The following PDE7B variants were observed in gnomAD, a reference collection of about 807,000 sequenced individuals.
PDE7B encodes the protein 3',5'-cyclic-AMP phosphodiesterase 7B.
A neutral mutation model predicts 56.2 loss-of-function variants in PDE7B; 29 were observed. That is an observed-to-expected ratio of 0.52 (90% CI 0.38 to 0.70). The LOEUF (loss-of-function observed/expected upper bound fraction) is 0.70. Ranked by LOEUF, PDE7B falls within the 30% of genes least tolerant of loss-of-function variation. The probability of loss-of-function intolerance (pLI) is 0.00; values close to 1 mark genes in which losing one functional copy is unlikely to be tolerated. For missense variants in PDE7B, 490 were observed against 565.0 expected (o/e 0.87, Z 1.35); for synonymous variants, 197 against 196.9 (o/e 1.00, Z 0.00).
intron 1 of PDE7B, among the ~76,000 whole-genome samples, chr6:135,932,307 A>C (rs1445379158): frequency 6.6e-6 from 1 of 152,166 alleles, no homozygotes; most frequent in Admixed American, 6.5e-5. Flanking sequence ...TAAAGAGTGT[A>C]ATTGGATTGT....
At chr6:135,985,993 A>T (rs1208431115) in intron 2 of PDE7B, among the ~76,000 whole-genome samples, 1 of 152,174 alleles carries the variant, frequency 6.6e-6, no homozygotes, top group Non-Finnish European at 1.5e-5. Context: ...CATGGGAGCC[A>T]ATTATAATGC....
At chr6:135,909,423 T>G (rs1234788146) in intron 1 of PDE7B, among the ~76,000 whole-genome samples, 1 of 152,122 alleles carries the variant, frequency 6.6e-6, no homozygotes, top group African/African-American at 2.4e-5. Context: ...GAGACCAGCC[T>G]GGCCAATGTG....
At position 136,192,939 on chromosome 6, in the gene PDE7B, G is replaced by A. The variant is rs1779253254; in HGVS notation, c.*1099G>A. ...AACCAAAACTGAATAAAGTCTTTGA[G>A]GAAACATTTTGGAAACTTCACATGC... On this transcript the variant is annotated 3_prime_UTR_variant, in exon 13 of 13. Transcript: ENST00000308191. 1 of 152,190 alleles carries A rather than the reference G, an allele frequency of 6.6e-6. No individual in the cohort carries two copies. The highest frequency in any genetic ancestry group is 6.5e-5 in the Admixed American group (1 of 15,276). The allele number at this position is 152,190 out of a possible 1,614,324, so 9.4% of individuals were successfully genotyped here. A position where few individuals can be genotyped will look rare whatever the true frequency, so the allele number is the denominator to read the frequency against.
At chr6:135,948,402 T>C (rs1774627264) in intron 2 of PDE7B, among the ~76,000 whole-genome samples, 1 of 151,964 alleles carries the variant, frequency 6.6e-6, no homozygotes, top group Admixed American at 6.6e-5. Context: ...AAGAAAAAAA[T>C]TATTCATTTT....
intron 2 of PDE7B, among the ~76,000 whole-genome samples, chr6:136,076,138 T>C (rs992674595): frequency 1.1e-4 from 16 of 152,148 alleles, no homozygotes; most frequent in African/African-American, 3.9e-4. Context: ...TACTTCTTGG[T>C]ACCACTAAGT....
intron 1 of PDE7B, among the ~76,000 whole-genome samples, chr6:135,926,039 A>T (rs1298831324): frequency 2.2e-5 from 3 of 135,166 alleles, no homozygotes; most frequent in African/African-American, 8.4e-5. Flanking sequence ...CTTCTTTAGG[A>T]AATGAAGCCT....
At chr6:136,062,601 A>G (rs556633783) in intron 2 of PDE7B, among the ~76,000 whole-genome samples, 1 of 152,308 alleles carries the variant, frequency 6.6e-6, no homozygotes, top group South Asian at 2.1e-4. Context: ...AAGCATCAAA[A>G]TGTCAGGACA....
chr6:136,021,440 T>C (rs1208565573), intron 2 of PDE7B, among the ~76,000 whole-genome samples: 1 of 151,714 alleles, frequency 6.6e-6, no homozygotes, highest in Non-Finnish European at 1.5e-5. Context: ...AGGTCGGGAG[T>C]TCGAGACCAG....
intron 2 of PDE7B, among the ~76,000 whole-genome samples, chr6:136,065,522 A>G (rs2128213172): frequency 6.6e-6 from 1 of 152,298 alleles, no homozygotes; most frequent in South Asian, 2.1e-4. Flanking sequence ...GGGTGCCAGG[A>G]ATATTGCTGC....
intron 2 of PDE7B, among the ~76,000 whole-genome samples, chr6:136,067,186 A>G (rs1184532692): frequency 7.2e-5 from 11 of 152,190 alleles, no homozygotes; most frequent in Non-Finnish European, 1.5e-4. Flanking sequence ...GAATTCCTCC[A>G]CACATTGGGA....
At chr6:135,923,347 C>A (rs1202775379) in intron 1 of PDE7B, among the ~76,000 whole-genome samples, 1 of 152,058 alleles carries the variant, frequency 6.6e-6, no homozygotes, top group Non-Finnish European at 1.5e-5. Flanking sequence ...GTAAAAATAT[C>A]TGATAACTAA....
At chr6:136,039,152 G>T (rs911655443) in intron 2 of PDE7B, among the ~76,000 whole-genome samples, 3 of 152,052 alleles carry the variant, frequency 2.0e-5, no homozygotes, top group Non-Finnish European at 2.9e-5. Flanking sequence ...CAGGGACTTT[G>T]TCTTGTCATA....
At chr6:136,137,268 T>TA (rs199951409) in intron 3 of PDE7B, among the ~76,000 whole-genome samples, 39 of 149,834 alleles carry the variant, frequency 2.6e-4, no homozygotes, top group African/African-American at 6.6e-4. Flanking sequence ...GACTGTCACT[T>TA]AAAAAAAAAA....
intron 1 of PDE7B, among the ~76,000 whole-genome samples, chr6:135,866,930 G>A (rs1775272139): frequency 6.6e-6 from 1 of 152,146 alleles, no homozygotes; most frequent in Admixed American, 6.6e-5. Flanking sequence ...GTAAAACTAG[G>A]TCTTTGGTGT....
intron 2 of PDE7B, among the ~76,000 whole-genome samples, chr6:136,053,180 G>A (rs539199784): frequency 8.6e-5 from 13 of 151,082 alleles, no homozygotes; most frequent in Non-Finnish European, 1.8e-4. Context: ...TTTAGCATTA[G>A]GTATATCTCT....
At chr6:135,855,717 T>C (rs933884866) in intron 1 of PDE7B, among the ~76,000 whole-genome samples, 6 of 152,116 alleles carry the variant, frequency 3.9e-5, no homozygotes, top group African/African-American at 1.4e-4. Flanking sequence ...CTTAAAACTG[T>C]AGGAGTTATG....
At chr6:135,992,351 C>A (rs1362959942) in intron 2 of PDE7B, among the ~76,000 whole-genome samples, 1 of 152,186 alleles carries the variant, frequency 6.6e-6, no homozygotes, top group African/African-American at 2.4e-5. Context: ...GATATTTTCA[C>A]CATAGCAGTC....
chr6:135,907,081 G>A (rs2327672), intron 1 of PDE7B, among the ~76,000 whole-genome samples: 23,667 of 143,054 alleles, frequency 0.17, 2,092 homozygotes, highest in East Asian at 0.34. Context: ...TGCAAACTCT[G>A]TTCCTACATC....
intron 1 of PDE7B, among the ~76,000 whole-genome samples, chr6:135,897,459 A>G (rs1281024202): frequency 6.6e-6 from 1 of 152,160 alleles, no homozygotes; most frequent in Non-Finnish European, 1.5e-5. Flanking sequence ...TTTTCATGTC[A>G]TGTTAAAGAC....
Sources: gnomAD v4.1 joint callset for allele counts (sites outside exome capture counted in the v4.1 genomes callset) on GRCh38, gnomAD v4.1.1 for gene constraint, MANE v1.5 for transcripts, NCBI Gene and HGNC (gene_info 2026-07-23, HGNC 2026-07-21) for gene names.